Variants in DOCK4 observed in about 807,000 individuals in gnomAD.
The protein encoded by DOCK4 is dedicator of cytokinesis 4, also known as dedicator of cytokinesis protein 4.
In DOCK4, 97 loss-of-function variants were observed where a neutral mutation model predicts 268.1. That is an observed-to-expected ratio of 0.36 (90% CI 0.31 to 0.43). The LOEUF (loss-of-function observed/expected upper bound fraction) is 0.43, where lower values mean the gene tolerates loss of function less well. Among genes scored for constraint, DOCK4 ranks in the 20% least tolerant of loss-of-function variants. The pLI, the probability that DOCK4 is intolerant of heterozygous loss-of-function variation, is 1.00. For missense variants in DOCK4, 2,145 were observed against 2,455.7 expected (o/e 0.87, Z 2.67); for synonymous variants, 954 against 887.2 (o/e 1.08, Z -1.34).
chr7:112,154,670 A>ACT (rs1186668184), intron 1 of DOCK4, among the ~76,000 whole-genome samples: 3 of 152,092 alleles, frequency 2.0e-5, no homozygotes, highest in East Asian at 3.9e-4. Context: ...TGAGATAAAG[A>ACT]CTCTCTCATC....
intron 1 of DOCK4, among the ~76,000 whole-genome samples, chr7:112,110,175 ATTG>A (rs1348061568): frequency 6.6e-6 from 1 of 152,240 alleles, no homozygotes; most frequent in African/African-American, 2.4e-5. Context: ...CTTTCATTAA[ATTG>A]TATTATCCTA....
intron 20 of DOCK4, 31 bp downstream of exon 20, chr7:111,871,959 T>A (rs1396145407): frequency 6.7e-7 from 1 of 1,499,866 alleles, no homozygotes; most frequent in East Asian, 2.5e-5. Context: ...AGGAACCACT[T>A]CTAAACTAAT....
intron 1 of DOCK4, among the ~76,000 whole-genome samples, chr7:112,178,890 C>T (rs1818752523): frequency 6.6e-6 from 1 of 152,126 alleles, no homozygotes; most frequent in African/African-American, 2.4e-5. Context: ...TTGTACGTAT[C>T]CTCATAGGCT....
intron 26 of DOCK4, among the ~76,000 whole-genome samples, chr7:111,823,110 C>A (rs972911715): frequency 1.3e-5 from 2 of 151,168 alleles, no homozygotes; most frequent in Non-Finnish European, 1.5e-5. Flanking sequence ...AGATGCCATG[C>A]GAGATGGTAG....
chr7:111,826,509 T>A (rs1802401102), intron 26 of DOCK4, among the ~76,000 whole-genome samples: 1 of 152,010 alleles, frequency 6.6e-6, no homozygotes, highest in Non-Finnish European at 1.5e-5. Context: ...AGGATAGGCT[T>A]AAAAAATGTG....
chr7:111,887,126 G>C (rs373598488), intron 16 of DOCK4, among the ~76,000 whole-genome samples: 1 of 152,142 alleles, frequency 6.6e-6, no homozygotes, highest in East Asian at 1.9e-4. Flanking sequence ...TCGAGGAGGT[G>C]GAACTGACCA....
intron 1 of DOCK4, among the ~76,000 whole-genome samples, chr7:112,033,801 T>C (rs1803494160): frequency 6.6e-6 from 1 of 152,216 alleles, no homozygotes; most frequent in Admixed American, 6.5e-5. Flanking sequence ...CATAATCTTC[T>C]TTATTCTTGA....
intron 45 of DOCK4, 100 bp downstream of exon 45, chr7:111,741,913 G>C: frequency 4.1e-6 from 6 of 1,451,228 alleles, no homozygotes; most frequent in Non-Finnish European, 5.5e-6. Context: ...CAGTTTGGTA[G>C]AAAAACCACA....
intron 1 of DOCK4, among the ~76,000 whole-genome samples, chr7:112,069,292 C>T (rs764268732): frequency 1.3e-5 from 2 of 152,184 alleles, no homozygotes; most frequent in Admixed American, 1.3e-4. Flanking sequence ...TTTTATAACA[C>T]GCATGCCTTT....
At position 111,917,020 on chromosome 7, in the gene DOCK4, G is replaced by A. The variant is rs1441478057; in HGVS notation, c.1067-1116C>T. Among the ~76,000 whole-genome samples the A allele has an allele frequency of 5.9e-5, 7 of 119,304 alleles. No individual in the cohort carries two copies. In the South Asian group the frequency reaches 1.4e-3, roughly 24 times the overall value. 78.3% of individuals were successfully genotyped at this position (119,304 alleles called of 152,430 possible). ...TTTTTTTTTTTTGAGACGGAGTCAC[G>A]CTCTGTTCCCAGGCTGGAGTACAGT... On this transcript the variant is annotated intron_variant, in intron 12 of 52. Coordinates refer to ENST00000428084, the MANE Select transcript of DOCK4 (RefSeq NM_001363540.2).
At chr7:111,983,846 G>GCA (rs1382278768) in intron 7 of DOCK4, among the ~76,000 whole-genome samples, 3 of 94,252 alleles carry the variant, frequency 3.2e-5, no homozygotes, top group African/African-American at 6.3e-5. Context: ...ACACACACAC[G>GCA]CGCGCGCGCG....
At chr7:111,752,497 T>C (rs946500163) in intron 42 of DOCK4, among the ~76,000 whole-genome samples, 4 of 152,050 alleles carry the variant, frequency 2.6e-5, no homozygotes, top group Non-Finnish European at 5.9e-5. Context: ...CTCGTAATCT[T>C]TAGTTGGATT....
intron 1 of DOCK4, among the ~76,000 whole-genome samples, chr7:112,202,236 C>G (rs1201897526): frequency 6.6e-6 from 1 of 152,204 alleles, no homozygotes; most frequent in African/African-American, 2.4e-5. Flanking sequence ...TATGGTAATT[C>G]TATTTTTAGT....
intron 22 of DOCK4, among the ~76,000 whole-genome samples, chr7:111,864,030 G>T (rs1225764409): frequency 6.6e-6 from 1 of 152,128 alleles, no homozygotes; most frequent in Non-Finnish European, 1.5e-5. Flanking sequence ...ACAGGACAGG[G>T]CATCAGAAGA....
intron 1 of DOCK4, among the ~76,000 whole-genome samples, chr7:112,149,866 A>C (rs1247160697): frequency 1.3e-5 from 2 of 152,184 alleles, no homozygotes; most frequent in Non-Finnish European, 2.9e-5. Flanking sequence ...CAGCCCCTAG[A>C]AAAGGCTTAT....
At chr7:111,917,162 G>C (rs532475557) in intron 12 of DOCK4, among the ~76,000 whole-genome samples, 1 of 151,540 alleles carries the variant, frequency 6.6e-6, no homozygotes, top group East Asian at 2.0e-4. Context: ...TAATTTTTGT[G>C]TTTTTCGTAG....
At chr7:111,893,484 T>C (rs1273690990) in intron 16 of DOCK4, among the ~76,000 whole-genome samples, 1 of 152,212 alleles carries the variant, frequency 6.6e-6, no homozygotes, top group South Asian at 2.1e-4. Flanking sequence ...CTCAGCCTTA[T>C]CTTTTCTGAG....
intron 1 of DOCK4, among the ~76,000 whole-genome samples, chr7:112,162,917 A>G (rs578069714): frequency 6.6e-6 from 1 of 152,214 alleles, no homozygotes; most frequent in African/African-American, 2.4e-5. Flanking sequence ...TCCAGTAAAT[A>G]GGCAGACACT....
rs527793881 is a variant in DOCK4 at position 111,942,242 on chromosome 7, C to A, written c.845-2000G>T. Reference sequence around the variant, plus strand: ...CAGGAAGATATAAAACTATTAATTTCTCTTTTTTTTTCCTCTCCATCTTTC... The same window carrying A: ...CAGGAAGATATAAAACTATTAATTTATCTTTTTTTTTCCTCTCCATCTTTC... On this transcript the variant is annotated intron_variant, in intron 10 of 52. Transcript: ENST00000428084. 3.0e-4 allele frequency among the ~76,000 whole-genome samples: 45 copies of A among 152,224 alleles called. No homozygotes were observed. In the South Asian group the frequency reaches 9.3e-3, roughly 32 times the overall value.
Sources: gnomAD v4.1 joint callset for allele counts (sites outside exome capture counted in the v4.1 genomes callset) on GRCh38, gnomAD v4.1.1 for gene constraint, MANE v1.5 for transcripts, NCBI Gene and HGNC (gene_info 2026-07-23, HGNC 2026-07-21) for gene names.